SLC1A1: variants seen among roughly 807,000 people sequenced by gnomAD.
SLC1A1 encodes solute carrier family 1 member 1.
SLC1A1 carries 43 observed loss-of-function variants against 53.3 expected under a neutral mutation model. The observed-to-expected ratio is 0.81, with a 90% CI of 0.63 to 1.04. SLC1A1 has a LOEUF of 1.04. Ranked by LOEUF, SLC1A1 falls within the 50% of genes least tolerant of loss-of-function variation. The probability of loss-of-function intolerance (pLI) is 0.00; values close to 1 mark genes in which losing one functional copy is unlikely to be tolerated. For missense variants in SLC1A1, 748 were observed against 664.9 expected (o/e 1.12, Z -1.37); for synonymous variants, 307 against 243.2 (o/e 1.26, Z -2.44).
chr9:4,536,167 T>C (rs767148496), intron 1 of SLC1A1, among the ~76,000 whole-genome samples: 237 of 152,200 alleles, frequency 1.6e-3, no homozygotes, highest in Middle Eastern at 0.01. Context: ...CCAAAAGCAA[T>C]GGCAACAAAA....
At chr9:4,522,458 T>C (rs879434607) in intron 1 of SLC1A1, among the ~76,000 whole-genome samples, 1 of 152,216 alleles carries the variant, frequency 6.6e-6, no homozygotes, top group Non-Finnish European at 1.5e-5. Context: ...CACATGGTTA[T>C]TCAGCCTAAT....
At chr9:4,506,263 C>G (rs939090274) in intron 1 of SLC1A1, among the ~76,000 whole-genome samples, 2 of 152,204 alleles carry the variant, frequency 1.3e-5, no homozygotes, top group African/African-American at 4.8e-5. Flanking sequence ...GGCCAAATTA[C>G]TATGAAATTC....
intron 1 of SLC1A1, among the ~76,000 whole-genome samples, chr9:4,524,044 C>A (rs147905154): frequency 3.6e-4 from 55 of 152,294 alleles, no homozygotes; most frequent in South Asian, 2.5e-3. Flanking sequence ...TTTGTTTATA[C>A]ATTACTCTCA....
chr9:4,545,189 G>GTCCCTCTCTCTCTCTCTCTCTCTC (rs1817371101), intron 2 of SLC1A1, among the ~76,000 whole-genome samples: 1 of 130,906 alleles, frequency 7.6e-6, no homozygotes, highest in African/African-American at 2.9e-5. Context: ...TACATTAGAT[G>GTCCCTCTCTCTCTCTCTCTCTCTC]TCTCTCTCTC....
At chr9:4,536,089 C>T (rs2130862476) in intron 1 of SLC1A1, among the ~76,000 whole-genome samples, 1 of 152,244 alleles carries the variant, frequency 6.6e-6, no homozygotes, top group African/African-American at 2.4e-5. Context: ...ACCATAAAAA[C>T]CCTAGAAGAA....
At chr9:4,511,994 A>G (rs1458715908) in intron 1 of SLC1A1, among the ~76,000 whole-genome samples, 1 of 152,248 alleles carries the variant, frequency 6.6e-6, no homozygotes, top group African/African-American at 2.4e-5. Flanking sequence ...AGGATTAGGT[A>G]TGTAACAAAA....
intron 6 of SLC1A1, among the ~76,000 whole-genome samples, chr9:4,571,170 G>C (rs1013972145): frequency 1.3e-5 from 2 of 152,132 alleles, no homozygotes; most frequent in Non-Finnish European, 2.9e-5. Context: ...TTATAAGTGG[G>C]AGCTAAATGA....
intron 2 of SLC1A1, among the ~76,000 whole-genome samples, chr9:4,545,990 A>G (rs1817461086): frequency 6.6e-6 from 1 of 152,162 alleles, no homozygotes; most frequent in Non-Finnish European, 1.5e-5. Context: ...GTCCCCTTCT[A>G]GAACATTTTT....
In SLC1A1 at chr9:4,490,589, A is replaced by G. The variant is rs1168216506; in HGVS notation, c.-91A>G. On this transcript the variant is annotated 5_prime_UTR_variant, in exon 1 of 12. Coordinates refer to ENST00000262352, the MANE Select transcript of SLC1A1 (RefSeq NM_004170.6). ...TCTCACCTCTCCCCTGTGCACCCGC[A>G]TCTCGCCGCGCCGCCGAGCAGCCAG... The G allele has an allele frequency of 6.8e-6, 7 of 1,035,634 alleles. No individual in the cohort carries two copies. The highest frequency in any genetic ancestry group is 1.0e-5 in the Non-Finnish European group (7 of 680,526). The allele number at this position is 1,035,634 out of a possible 1,614,324, so 64.2% of individuals were successfully genotyped here. A position where few individuals can be genotyped will look rare whatever the true frequency, so the allele number is the denominator to read the frequency against.
chr9:4,528,505 G>A (rs568194075), intron 1 of SLC1A1, among the ~76,000 whole-genome samples: 1 of 152,274 alleles, frequency 6.6e-6, no homozygotes, highest in East Asian at 1.9e-4. Context: ...GAACCCGGGA[G>A]GCGGAGGTTG....
intron 1 of SLC1A1, among the ~76,000 whole-genome samples, chr9:4,532,279 G>A (rs1379525487): frequency 6.6e-6 from 1 of 152,080 alleles, no homozygotes; most frequent in East Asian, 1.9e-4. Context: ...AAAGGAGGAA[G>A]TTCGAACCCA....
intron 1 of SLC1A1, among the ~76,000 whole-genome samples, chr9:4,522,488 CCT>C (rs1446060873): frequency 6.6e-6 from 1 of 152,160 alleles, no homozygotes; most frequent in Non-Finnish European, 1.5e-5. Flanking sequence ...AGTCAGTCTT[CCT>C]CTTTCTTTTC....
At chr9:4,502,968 T>C (rs1252217654) in intron 1 of SLC1A1, among the ~76,000 whole-genome samples, 1 of 151,792 alleles carries the variant, frequency 6.6e-6, no homozygotes, top group Non-Finnish European at 1.5e-5. Context: ...TTCCCAGAAC[T>C]GTTGTACTTT....
In SLC1A1 at chr9:4,509,588, T is replaced by C. The variant is rs1477038928; in HGVS notation, c.91+18818T>C. Among the ~76,000 whole-genome samples, 4 of 151,836 alleles carry C rather than the reference T, an allele frequency of 2.6e-5. No individual in the cohort carries two copies. The East Asian group carries it at 7.7e-4, about 29-fold the overall frequency. On this transcript the variant is annotated intron_variant, in intron 1 of 11. Transcript: ENST00000262352. ...AAAAAAAAAACCCAACCTCTGTCTCTTTCTACCATTAAGATCTACAGCTAC... is the reference window on the plus strand; with the variant it reads ...AAAAAAAAAACCCAACCTCTGTCTCCTTCTACCATTAAGATCTACAGCTAC...
intron 10 of SLC1A1, among the ~76,000 whole-genome samples, chr9:4,582,757 T>A (rs1356185704): frequency 1.3e-5 from 2 of 152,164 alleles, no homozygotes; most frequent in South Asian, 4.1e-4. Flanking sequence ...TCTTACTTAT[T>A]TTTTGGTGCC....
chr9:4,529,303 C>T (rs1816380788), intron 1 of SLC1A1, among the ~76,000 whole-genome samples: 1 of 152,180 alleles, frequency 6.6e-6, no homozygotes, highest in Non-Finnish European at 1.5e-5. Flanking sequence ...TTACGTACAT[C>T]TACCTAATTA....
rs989382409 is a variant in SLC1A1 at position 4,556,659 on chromosome 9, T to G, written c.233-4790T>G. On this transcript the variant is annotated intron_variant, in intron 2 of 11. Coordinates refer to ENST00000262352, the MANE Select transcript of SLC1A1 (RefSeq NM_004170.6). The surrounding 1 kb of genome is among the most constrained non-coding windows in gnomAD (Gnocchi z 4.1). The stretch of plus-strand genomic sequence containing the variant: ...GCCTGATCTTCGACGTCAACGCCAG[T>G]TAAGAGTCTAATGCCTGGATTCTCA... 2.0e-5 allele frequency among the ~76,000 whole-genome samples: 3 copies of G among 152,194 alleles called. No individual in the cohort carries two copies. The highest frequency in any genetic ancestry group is 2.9e-5 in the Non-Finnish European group (2 of 68,032).
intron 6 of SLC1A1, among the ~76,000 whole-genome samples, chr9:4,571,273 T>C (rs1459487433): frequency 2.0e-5 from 3 of 152,174 alleles, no homozygotes; most frequent in African/African-American, 7.2e-5. Context: ...GGAAAAATAA[T>C]TAATGGATAC....
intron 7 of SLC1A1, among the ~76,000 whole-genome samples, chr9:4,573,026 G>A (rs140811646): frequency 6.6e-6 from 1 of 152,182 alleles, no homozygotes; most frequent in Non-Finnish European, 1.5e-5. Context: ...CTGTACATGA[G>A]AACACAAAGT....
Sources: allele counts gnomAD v4.1 joint callset (sites outside exome capture counted in the v4.1 genomes callset), GRCh38; gene constraint gnomAD v4.1.1; non-coding constraint Gnocchi (gnomAD v3.1); transcripts MANE v1.5; gene names NCBI Gene and HGNC (gene_info 2026-07-23, HGNC 2026-07-21).